TPCN1: variants seen among roughly 807,000 people sequenced by gnomAD.
TPCN1 encodes two pore channel protein 1.
In TPCN1, 52 loss-of-function variants were observed where a neutral mutation model predicts 108.8. The observed-to-expected ratio is 0.48, with a 90% CI of 0.38 to 0.60. The LOEUF (loss-of-function observed/expected upper bound fraction) is 0.60, where lower values mean the gene tolerates loss of function less well. Among genes scored for constraint, TPCN1 ranks in the 20% least tolerant of loss-of-function variants. The probability of loss-of-function intolerance (pLI) is 0.00; values close to 1 mark genes in which losing one functional copy is unlikely to be tolerated. For synonymous variants in TPCN1, 446 were observed against 433.7 expected (o/e 1.03, Z -0.35); for missense variants, 806 against 1,072.8 (o/e 0.75, Z 3.47).
At chr12:113,254,452 A>G (rs1954763531) in intron 2 of TPCN1, among the ~76,000 whole-genome samples, 1 of 152,208 alleles carries the variant, frequency 6.6e-6, no homozygotes, top group Non-Finnish European at 1.5e-5. Flanking sequence ...AATAATATAT[A>G]AAAAGGATAA....
intron 22 of TPCN1, among the ~76,000 whole-genome samples, chr12:113,290,584 G>A (rs1185213023): frequency 6.6e-6 from 1 of 152,216 alleles, no homozygotes; most frequent in African/African-American, 2.4e-5. Context: ...ACTGCCCCCT[G>A]GCTCAGACTG....
intron 2 of TPCN1, among the ~76,000 whole-genome samples, chr12:113,228,465 C>G (rs1179767234): frequency 6.6e-6 from 1 of 152,064 alleles, no homozygotes; most frequent in Non-Finnish European, 1.5e-5. Context: ...AAATTAAAAA[C>G]TTAGCTGGGT....
intron 2 of TPCN1, among the ~76,000 whole-genome samples, chr12:113,253,204 G>C (rs911688509): frequency 6.6e-6 from 1 of 152,178 alleles, no homozygotes; most frequent in African/African-American, 2.4e-5. Context: ...GAGGGCTGTT[G>C]TAAGAACTAA....
intron 3 of TPCN1, among the ~76,000 whole-genome samples, chr12:113,265,778 A>G (rs1276235754): frequency 1.3e-5 from 2 of 151,950 alleles, no homozygotes. Context: ...GATTACAGGC[A>G]TGAGCCACCG....
intron 2 of TPCN1, among the ~76,000 whole-genome samples, chr12:113,242,847 G>A (rs1317287931): frequency 6.6e-6 from 1 of 152,078 alleles, no homozygotes; most frequent in African/African-American, 2.4e-5. Context: ...CCTGCCACTG[G>A]CCACCAGCCC....
intron 2 of TPCN1, among the ~76,000 whole-genome samples, chr12:113,258,612 C>T (rs1246667502): frequency 3.3e-5 from 5 of 152,088 alleles, no homozygotes; most frequent in African/African-American, 1.2e-4. Flanking sequence ...GGAGACTCCA[C>T]CTCTATAAAA....
chr12:113,265,336 G>T (rs1332708291), intron 3 of TPCN1, among the ~76,000 whole-genome samples: 1 of 152,018 alleles, frequency 6.6e-6, no homozygotes, highest in African/African-American at 2.4e-5. Context: ...TTCCTTTATC[G>T]TTGAAGAAGC....
In TPCN1 at chr12:113,231,092, G is replaced by A. The variant is rs952517926; in HGVS notation, c.112+4128G>A. ...CAACGACATGAGCATGGGCTACTGG[G>A]AACGAAGCAAGCTTTCTAAGGCTGA... On this transcript the variant is annotated intron_variant, in intron 2 of 27. Transcript: ENST00000335509. This position sits in a 1 kb window ranked among gnomAD's most constrained non-coding sequence, Gnocchi z 4.3. Among the ~76,000 whole-genome samples the A allele has an allele frequency of 6.6e-6, 1 of 152,246 alleles. No homozygotes were observed. The highest frequency in any genetic ancestry group is 2.4e-5 in the African/African-American group (1 of 41,460).
At chr12:113,233,606 G>C (rs75190389) in intron 2 of TPCN1, among the ~76,000 whole-genome samples, 2 of 152,226 alleles carry the variant, frequency 1.3e-5, no homozygotes, top group Admixed American at 6.5e-5. Context: ...GACATCCTCT[G>C]ACTGTCACCC....
intron 2 of TPCN1, among the ~76,000 whole-genome samples, chr12:113,228,205 A>T (rs967121499): frequency 6.6e-6 from 1 of 152,210 alleles, no homozygotes; most frequent in Non-Finnish European, 1.5e-5. Context: ...TTGAGCAGAG[A>T]TTTGAACCCA....
chr12:113,290,086 G>A (rs765406780), intron 21 of TPCN1, 42 bp from the exon 22 acceptor site: 19 of 1,306,268 alleles, frequency 1.5e-5, no homozygotes, highest in Middle Eastern at 2.6e-4. Flanking sequence ...GTGACTGATC[G>A]CCTTGTGACC....
intron 3 of TPCN1, among the ~76,000 whole-genome samples, chr12:113,265,143 G>C (rs1955205863): frequency 6.6e-6 from 1 of 152,164 alleles, no homozygotes. Context: ...CTCTTGATGG[G>C]TGTTAAAGGG....
chr12:113,277,309 A>C lies in TPCN1; in HGVS notation c.1129A>C (p.Arg377=). The change falls in exon 12 of 28, where the codon AGG becomes CGG. Residue 377 remains arginine, a synonymous_variant. Coordinates refer to ENST00000335509, the MANE Select transcript of TPCN1 (RefSeq NM_017901.6). ...CTTCTACAAGCCCCGGATGAGTGCC[A>C]GGGAGCGCTATCTTACCTTCAAGGC... is the stretch of plus-strand genomic sequence containing the variant. ...MRFYKPRMSA[R]ERYLTFKALN... 6.2e-7 allele frequency: 1 copy of C among 1,614,204 alleles called. No individual in the cohort carries two copies. The highest frequency in any genetic ancestry group is 1.3e-5 in the African/African-American group (1 of 75,060).
At chr12:113,271,812 G>A (rs1955511276) in intron 7 of TPCN1, among the ~76,000 whole-genome samples, 1 of 152,228 alleles carries the variant, frequency 6.6e-6, no homozygotes, top group South Asian at 2.1e-4. Flanking sequence ...ACTGGGTACA[G>A]CATGGTCACA....
chr12:113,288,495 G>A lies in TPCN1; in HGVS notation c.1706+261G>A. On this transcript the variant is annotated intron_variant, in intron 20 of 27. Coordinates refer to ENST00000335509, the MANE Select transcript of TPCN1 (RefSeq NM_017901.6). The surrounding 1 kb of genome is among the most constrained non-coding windows in gnomAD (Gnocchi z 4.8). Reference sequence around the variant, plus strand: ...TTACCACCTGTGTCTACATTCACAGGTAAGGGGTCACCTGTGAGTCTACCT... The same window carrying A: ...TTACCACCTGTGTCTACATTCACAGATAAGGGGTCACCTGTGAGTCTACCT... The A allele has an allele frequency of 2.7e-6, 4 of 1,503,030 alleles. No individual in the cohort carries two copies. The highest frequency in any genetic ancestry group is 3.5e-6 in the Non-Finnish European group (4 of 1,128,802). The allele number at this position is 1,503,030 out of a possible 1,614,324, so 93.1% of individuals were successfully genotyped here.
intron 2 of TPCN1, among the ~76,000 whole-genome samples, chr12:113,255,771 C>T (rs1954810350): frequency 6.6e-6 from 1 of 151,792 alleles, no homozygotes; most frequent in South Asian, 2.1e-4. Flanking sequence ...CTCAGGTGAT[C>T]CACCTGCCTT....
chr12:113,244,450 C>T (rs1954269941), intron 2 of TPCN1: 2 of 985,452 alleles, frequency 2.0e-6, no homozygotes, highest in Non-Finnish European at 2.4e-6. Flanking sequence ...TACCATCTTG[C>T]AACCAATTAT....
rs1431832738 is a variant in TPCN1 at position 113,298,391 on chromosome 12, A to G, written c.*2315A>G. 6.6e-6 allele frequency: 1 copy of G among 152,320 alleles called. No homozygotes were observed. Among genetic ancestry groups the G allele is most frequent in the Non-Finnish European group, 1.5e-5 (1 of 68,122 alleles). The allele number at this position is 152,320 out of a possible 1,614,324, so 9.4% of individuals were successfully genotyped here. On this transcript the variant is annotated 3_prime_UTR_variant, in exon 28 of 28. Coordinates refer to ENST00000335509, the MANE Select transcript of TPCN1 (RefSeq NM_017901.6). ...GGGGCACAGCCTGGTGGTGGTGGCAATAGAACTGTGCCCCTCCTCAGCTCC... is the reference window on the plus strand; with the variant it reads ...GGGGCACAGCCTGGTGGTGGTGGCAGTAGAACTGTGCCCCTCCTCAGCTCC...
intron 2 of TPCN1, among the ~76,000 whole-genome samples, chr12:113,257,453 T>C (rs1462167277): frequency 2.0e-5 from 3 of 148,950 alleles, no homozygotes; most frequent in Non-Finnish European, 1.5e-5. Context: ...ATGGCACCAC[T>C]GCACTCCAGC....
Sources: allele counts gnomAD v4.1 joint callset (sites outside exome capture counted in the v4.1 genomes callset), GRCh38; gene constraint gnomAD v4.1.1; non-coding constraint Gnocchi (gnomAD v3.1); transcripts MANE v1.5; gene names NCBI Gene and HGNC (gene_info 2026-07-23, HGNC 2026-07-21).